Variants in ALG1 observed in about 807,000 individuals in gnomAD.
ALG1 encodes chitobiosyldiphosphodolichol beta-mannosyltransferase.
ALG1 carries 58 observed loss-of-function variants against 55.1 expected under a neutral mutation model. The observed-to-expected ratio is 1.05, with a 90% confidence interval of 0.85 to 1.31. The LOEUF (loss-of-function observed/expected upper bound fraction) is 1.31. ALG1 is among the 50% of genes most tolerant of loss of function. The pLI is 0.00. For missense variants in ALG1, 761 were observed against 598.6 expected (o/e 1.27, Z -2.83); for synonymous variants, 309 against 247.0 (o/e 1.25, Z -2.35).
rs200506548 is a variant in ALG1, at chr16:5,077,433, C to G, written c.540-12C>G. On this transcript the variant is annotated splice_polypyrimidine_tract_variant and intron_variant, in intron 4 of 12. Transcript: ENST00000262374. ...GTCTAGGGCTCTGCTGACTGCTGAT[C>G]TCTCTTTTCAGGTACGAGAAGTTCT... 73 of 1,612,890 alleles carry G rather than the reference C, an allele frequency of 4.5e-5. No homozygotes were observed. The highest frequency in any genetic ancestry group is 2.3e-4 in the African/African-American group (17 of 75,016).
chr16:5,078,566 C>A, intron 6 of ALG1, 191 bp from the exon 7 acceptor site: 1 of 939,422 alleles, frequency 1.1e-6, no homozygotes, highest in Non-Finnish European at 1.7e-6. Flanking sequence ...GCTGTTGTAA[C>A]CTTAGCACCC....
At chr16:5,075,641 T>G in intron 4 of ALG1, 105 bp downstream of exon 4, 1 of 1,412,394 alleles carries the variant, frequency 7.1e-7, no homozygotes, top group Non-Finnish European at 9.8e-7. Flanking sequence ...TTGTGGGCTC[T>G]GCAGGAGGTG....
At chr16:5,072,082 G>A in intron 1 of ALG1, 25 bp downstream of exon 1, 2 of 1,555,846 alleles carry the variant, frequency 1.3e-6, no homozygotes, top group Non-Finnish European at 1.7e-6. Flanking sequence ...GTCTGGGAGG[G>A]ACGATGCTCT....
chr16:5,074,271 G>C (rs974328437), intron 3 of ALG1, among the ~76,000 whole-genome samples: 1 of 151,894 alleles, frequency 6.6e-6, no homozygotes, highest in Admixed American at 6.6e-5. Flanking sequence ...TCAGCCTCCT[G>C]AGTAGCTGGG....
At chr16:5,077,823 C>G in intron 5 of ALG1, 84 bp from the exon 6 acceptor site, 1 of 1,311,702 alleles carries the variant, frequency 7.6e-7, no homozygotes, top group Non-Finnish European at 1.1e-6. Context: ...CCCAAGCGTC[C>G]TTCTTTTCCT....
intron 12 of ALG1, chr16:5,084,363 C>T (rs1386973241): frequency 2.5e-6 from 1 of 402,396 alleles, no homozygotes; most frequent in Non-Finnish European, 4.7e-6. Flanking sequence ...GGCCTGCAGG[C>T]TGTAGTTTGT....
rs754552258 is a variant in ALG1 at position 5,078,841 on chromosome 16, G to A, written c.825G>A (p.Glu275=). 18 of 1,611,982 alleles carry A rather than the reference G, an allele frequency of 1.1e-5. 1 individual carries two copies. The highest frequency in any genetic ancestry group is 3.3e-5 in the South Asian group (3 of 90,982). ...GCGGGCTGGTGACGCGTCTCCGTGA[G>A]CGGCCAGCCCTGCTGGTCAGCAGCA... is the stretch of plus-strand genomic sequence containing the variant. ...AGSGLVTRLR[E]RPALLVSSTS... is the part of the protein sequence containing the mutation. The change falls in exon 7 of 13, where the codon GAG becomes GAA. Residue 275 remains glutamate, a synonymous_variant. Transcript: ENST00000262374.
intron 6 of ALG1, 81 bp downstream of exon 6, chr16:5,078,098 C>G (rs35810648): frequency 1.3e-6 from 2 of 1,495,292 alleles, no homozygotes; most frequent in Non-Finnish European, 9.1e-7. Flanking sequence ...GACCTGGGAA[C>G]CCACTCATCC....
Position 5,071,984 on chromosome 16 carries a change from CAG to C in ALG1, c.136_137del (p.Ser46ProfsTer29). On this transcript the variant is annotated frameshift_variant, in exon 1 of 13. Transcript: ENST00000262374. LOFTEE classifies it high-confidence loss of function. Reference protein sequence around the residue: ...VAVVLGDVGRSPRMQYHALSL... With the variant: ...VAVVLGDVGRXPRMQYHALSL... ...CGGTGGTGCTGGGCGACGTGGGCCG[CAG>C]CCCCCGTATGCAGTACCACGCGCTG... The C allele has an allele frequency of 6.3e-7, 1 of 1,595,574 alleles. No individual in the cohort carries two copies.
chr16:5,084,005 A>G (rs1344984156), intron 12 of ALG1, among the ~76,000 whole-genome samples: 1 of 152,206 alleles, frequency 6.6e-6, no homozygotes, highest in African/African-American at 2.4e-5. Flanking sequence ...TCCACAAATG[A>G]TGCTGGAGCT....
At chr16:5,077,124 T>C (rs1280962501) in intron 4 of ALG1, among the ~76,000 whole-genome samples, 1 of 152,214 alleles carries the variant, frequency 6.6e-6, no homozygotes, top group Non-Finnish European at 1.5e-5. Context: ...GGATGTTCAC[T>C]TTGGCAGTGA....
Position 5,071,893 on chromosome 16 carries a change from T to A in ALG1, c.44T>A (p.Leu15Gln). The A allele has an allele frequency of 6.2e-7, 1 of 1,601,220 alleles. No individual in the cohort carries two copies. The highest frequency in any genetic ancestry group is 1.1e-5 in the South Asian group (1 of 89,692). Residue 15 changes from leucine (L) to glutamine (Q), a missense_variant, in exon 1 of 13, where the codon CTG becomes CAG. Leu to Gln is a moderately radical substitution (Grantham distance 113). Coordinates refer to ENST00000262374, the MANE Select transcript of ALG1 (RefSeq NM_019109.5). ...GTCCTGCTGGCGCTGTGTCTGCTGC[T>A]GCCGCTGCTGCTGCTGGGAGGATGG... ...CLVLLALCLL[L>Q]PLLLLGGWKR...
At position 5,077,491 on chromosome 16, in the gene ALG1, A is replaced by G. The variant is rs1485881355; in HGVS notation, c.586A>G (p.Thr196Ala). ...CCTGTCCCACCTGAACCTGTGTGTT[A>G]CCAATGCTATGCGAGAAGACCTGGC... The part of the protein sequence containing the change: ...GRLSHLNLCV[T>A]NAMREDLADN... Residue 196 changes from threonine to alanine, a missense_variant, in exon 5 of 13, where the codon ACC (threonine) becomes GCC (alanine). By Grantham distance (58) the Thr-to-Ala change is moderately conservative (BLOSUM62 0). Transcript: ENST00000262374. 1.2e-6 allele frequency: 2 copies of G among 1,614,180 alleles called. No individual in the cohort carries two copies. The highest frequency in any genetic ancestry group is 2.2e-5 in the East Asian group (1 of 44,878).
chr16:5,077,162 T>A (rs530170521), intron 4 of ALG1, among the ~76,000 whole-genome samples: 3 of 152,196 alleles, frequency 2.0e-5, no homozygotes, highest in South Asian at 2.1e-4. Flanking sequence ...TTTATTTTTT[T>A]AAATTTGTAT....
At chr16:5,080,742 G>A (rs990285494) in intron 9 of ALG1, among the ~76,000 whole-genome samples, 8 of 152,068 alleles carry the variant, frequency 5.3e-5, no homozygotes, top group East Asian at 1.9e-4. Context: ...AAGGCTATGC[G>A]TCAGGGGTCA....
rs1394994402 is a variant in ALG1 at position 5,082,652 on chromosome 16, T to C, written c.1166T>C (p.Val389Ala). The stretch of plus-strand genomic sequence containing the variant: ...GACATGTTCGGGTGCTGTTTGCCTG[T>C]GTGTGCTGTGAACTTCAAGTGGTAG... ...VVDMFGCCLP[V>A]CAVNFKCLHE... The change falls in exon 11 of 13, where the codon GTG becomes GCG. Residue 389 changes from valine (V) to alanine (A), a missense_variant. Val to Ala is a moderately conservative substitution (Grantham distance 64). Coordinates refer to ENST00000262374, the MANE Select transcript of ALG1 (RefSeq NM_019109.5). 1.2e-6 allele frequency: 2 copies of C among 1,611,830 alleles called. No homozygotes were observed. Among genetic ancestry groups the C allele is most frequent in the Admixed American group, 1.7e-5 (1 of 60,010 alleles).
chr16:5,078,629 G>A, intron 6 of ALG1, 128 bp from the exon 7 acceptor site: 8 of 1,541,956 alleles, frequency 5.2e-6, no homozygotes, highest in Non-Finnish European at 6.3e-6. Context: ...GGGGTGGCCT[G>A]GTGCTGCTGA....
At chr16:5,079,159 A>G (rs1444682261) in intron 8 of ALG1, 57 bp downstream of exon 8, 3 of 1,584,876 alleles carry the variant, frequency 1.9e-6, no homozygotes, top group Non-Finnish European at 2.6e-6. Context: ...CTGAGCTGTA[A>G]GCTGCTTGCC....
Position 5,071,916 on chromosome 16 carries a change from T to C in ALG1, c.67T>C (p.Trp23Arg). The change falls in exon 1 of 13, where the codon TGG (tryptophan) becomes CGG (arginine). Residue 23 changes from tryptophan to arginine, a missense_variant. Transcript: ENST00000262374. Reference sequence around the variant, plus strand: ...GCTGCCGCTGCTGCTGCTGGGAGGATGGAAGCGCTGGCGCCGGGGGCGGGC... The same window carrying C: ...GCTGCCGCTGCTGCTGCTGGGAGGACGGAAGCGCTGGCGCCGGGGGCGGGC... ...LLLPLLLLGG[W>R]KRWRRGRAAR... 1 of 1,595,706 alleles carries C rather than the reference T, an allele frequency of 6.3e-7. No homozygotes were observed. Among genetic ancestry groups the C allele is most frequent in the Non-Finnish European group, 8.5e-7 (1 of 1,172,022 alleles).
Sources: gnomAD v4.1 joint callset for allele counts (sites outside exome capture counted in the v4.1 genomes callset) on GRCh38, gnomAD v4.1.1 for gene constraint, MANE v1.5 for transcripts, NCBI Gene and HGNC (gene_info 2026-07-23, HGNC 2026-07-21) for gene names.